DAD1: variants seen among roughly 807,000 people sequenced by gnomAD.
The protein encoded by DAD1 is dolichyl-diphosphooligosaccharide--protein glycosyltransferase subunit DAD1.
Under a neutral mutation model 9.0 loss-of-function variants are expected in DAD1, and 4 were observed. The ratio of observed to expected loss-of-function variants is 0.44; its 90% confidence interval spans 0.22 to 1.01. DAD1 has a LOEUF of 1.01. Ranked by LOEUF, DAD1 falls within the 50% of genes least tolerant of loss-of-function variation. The pLI is 0.24. For synonymous variants in DAD1, 60 were observed against 62.5 expected (o/e 0.96, Z 0.19); for missense variants, 119 against 137.3 (o/e 0.87, Z 0.67).
At chr14:22,587,976 T>A (rs951731860) in intron 1 of DAD1, among the ~76,000 whole-genome samples, 1 of 152,222 alleles carries the variant, frequency 6.6e-6, no homozygotes, top group Non-Finnish European at 1.5e-5. Context: ...CCTCAAGTGA[T>A]CTGCCTACCT....
chr14:22,586,150 G>A (rs1237150556), intron 1 of DAD1, among the ~76,000 whole-genome samples: 3 of 150,822 alleles, frequency 2.0e-5, no homozygotes, highest in African/African-American at 7.3e-5. Context: ...AGCTTGCAGT[G>A]AGCCGAGATG....
At chr14:22,571,025 T>TAAAAAAA (rs34659715) in intron 2 of DAD1, among the ~76,000 whole-genome samples, 43 of 149,140 alleles carry the variant, frequency 2.9e-4, no homozygotes, top group African/African-American at 1.0e-3. Context: ...TTTTTTTTTT[T>TAAAAAAA]AAAAAAGAGT....
intron 1 of DAD1, among the ~76,000 whole-genome samples, chr14:22,583,913 C>T (rs7149591): frequency 0.09 from 13,665 of 151,726 alleles, 1,167 homozygotes; most frequent in African/African-American, 0.21. Flanking sequence ...AGCAAGATCA[C>T]CAACTAAGAA....
Position 22,575,188 on chromosome 14 carries a change from TG to T in DAD1, c.256del (p.Gln86LysfsTer24). 6.2e-7 allele frequency: 1 copy of T among 1,614,162 alleles called. No individual in the cohort carries two copies. The highest frequency in any genetic ancestry group is 8.5e-7 in the Non-Finnish European group (1 of 1,180,022). ...QINPQNKADF[Q>X]GISPERAFAD... ...AAAGGCTCGCTCTGGGGAGATGCCT[TG>T]GAAATCCGCTTTGTTCTGTGGGTTG... On this transcript the variant is annotated frameshift_variant, in exon 2 of 3. Coordinates refer to ENST00000250498, the MANE Select transcript of DAD1 (RefSeq NM_001344.4). LOFTEE classifies it high-confidence loss of function.
chr14:22,574,955 C>T, intron 2 of DAD1, 104 bp downstream of exon 2: 1 of 932,996 alleles, frequency 1.1e-6, no homozygotes. Context: ...CTGCAAATGT[C>T]AATAGCAGTA....
At position 22,582,664 on chromosome 14, in the gene DAD1, G is replaced by GGAGATAA. The variant is rs529946392; in HGVS notation, c.211+6276_211+6282dup. ...AGAGCTTGCTGATGAAACAGATGCA[G>GGAGATAA]GAGATAAGAGAAATCAAGGGACCCC... On this transcript the variant is annotated intron_variant, in intron 1 of 2. Transcript: ENST00000250498. Among the ~76,000 whole-genome samples the GGAGATAA allele has an allele frequency of 2.6e-3, 394 of 152,310 alleles. 1 individual carries two copies. In the Middle Eastern group the frequency reaches 0.031, roughly 12 times the overall value.
At chr14:22,573,709 CAAAAAAAAAA>C (rs553176098) in intron 2 of DAD1, among the ~76,000 whole-genome samples, 32 of 44,504 alleles carry the variant, frequency 7.2e-4, no homozygotes, top group Non-Finnish European at 1.4e-3. Flanking sequence ...GACTCCATCT[CAAAAAAAAAA>C]AAAAAAAAAC....
chr14:22,575,526 T>A (rs1358841900), intron 1 of DAD1, among the ~76,000 whole-genome samples: 1 of 151,222 alleles, frequency 6.6e-6, no homozygotes, highest in African/African-American at 2.5e-5. Context: ...CACAAGTAAG[T>A]TGGGCAACAC....
chr14:22,586,982 C>T (rs924155615), intron 1 of DAD1, among the ~76,000 whole-genome samples: 1 of 152,112 alleles, frequency 6.6e-6, no homozygotes, highest in Admixed American at 6.6e-5. Flanking sequence ...CCTTATTGGC[C>T]CCATTACTAA....
intron 1 of DAD1, among the ~76,000 whole-genome samples, chr14:22,587,525 CACAG>C (rs2037161775): frequency 6.6e-6 from 1 of 152,106 alleles, no homozygotes; most frequent in Admixed American, 6.5e-5. Flanking sequence ...AGGACGCCAC[CACAG>C]ACAACTAGGT....
Position 22,564,908 on chromosome 14 carries a change from AGGAGTGGCAT to A in DAD1, c.*264_*273del. 1.7e-6 allele frequency: 1 copy of A among 575,972 alleles called. No homozygotes were observed. The highest frequency in any genetic ancestry group is 3.1e-6 in the Non-Finnish European group (1 of 325,682). 35.7% of individuals were successfully genotyped at this position (575,972 alleles called of 1,614,324 possible). A position where few individuals can be genotyped will look rare whatever the true frequency, so the allele number is the denominator to read the frequency against. ...TAAAAACAGAGCCAGAGGCATATGG[AGGAGTGGCAT>A]GGAGTTCTTTAATTTGGAAGGCAAA... On this transcript the variant is annotated 3_prime_UTR_variant, in exon 3 of 3. Transcript: ENST00000250498.
chr14:22,583,005 CAAA>C (rs60692589), intron 1 of DAD1, among the ~76,000 whole-genome samples: 3 of 91,724 alleles, frequency 3.3e-5, no homozygotes, highest in Non-Finnish European at 4.3e-5. Flanking sequence ...GACTATGTCT[CAAA>C]AAAAAAAAAA....
At chr14:22,572,778 C>T (rs1259056009) in intron 2 of DAD1, among the ~76,000 whole-genome samples, 2 of 152,132 alleles carry the variant, frequency 1.3e-5, no homozygotes, top group Non-Finnish European at 2.9e-5. Context: ...TGTCCCCTTC[C>T]TAAGTACACA....
At chr14:22,571,152 T>C (rs1045192137) in intron 2 of DAD1, among the ~76,000 whole-genome samples, 9 of 151,358 alleles carry the variant, frequency 5.9e-5, no homozygotes, top group African/African-American at 2.2e-4. Context: ...TGAAACCCCA[T>C]CTCTACTAAA....
intron 1 of DAD1, among the ~76,000 whole-genome samples, chr14:22,585,493 G>A (rs1435918780): frequency 1.3e-5 from 2 of 152,182 alleles, no homozygotes; most frequent in Non-Finnish European, 2.9e-5. Context: ...TCAGCTACTG[G>A]ATGTTTGAAA....
At position 22,565,137 on chromosome 14, in the gene DAD1, C is replaced by G; in HGVS notation, c.*45G>C. The G allele has an allele frequency of 2.8e-6, 2 of 701,984 alleles. No individual in the cohort carries two copies. The highest frequency in any genetic ancestry group is 5.2e-6 in the Non-Finnish European group (2 of 384,698). 43.5% of individuals were successfully genotyped at this position (701,984 alleles called of 1,614,324 possible). A position where few individuals can be genotyped will look rare whatever the true frequency, so the allele number is the denominator to read the frequency against. On this transcript the variant is annotated splice_region_variant and 3_prime_UTR_variant, in exon 3 of 3. Transcript: ENST00000250498. Reference sequence around the variant, plus strand: ...TTATCCAGGAAATTCAAAGAGTGAACCTAGAAGAAAAAAGCAGCAAGGTTA... The same window carrying G: ...TTATCCAGGAAATTCAAAGAGTGAAGCTAGAAGAAAAAAGCAGCAAGGTTA...
chr14:22,576,515 A>C (rs777685138), intron 1 of DAD1, among the ~76,000 whole-genome samples: 24 of 152,122 alleles, frequency 1.6e-4, no homozygotes, highest in Non-Finnish European at 2.9e-4. Flanking sequence ...AAACTAAAAA[A>C]CTCTTAGAAG....
intron 1 of DAD1, 136 bp downstream of exon 1, chr14:22,588,811 C>G: frequency 1.1e-6 from 1 of 877,262 alleles, no homozygotes. Flanking sequence ...CCTCAATTTC[C>G]CCATTCACAA....
intron 1 of DAD1, among the ~76,000 whole-genome samples, chr14:22,575,739 G>A (rs2037072448): frequency 6.6e-6 from 1 of 152,108 alleles, no homozygotes; most frequent in Admixed American, 6.5e-5. Context: ...AGTAGAGACG[G>A]GGTTTCACCA....
Sources: allele counts gnomAD v4.1 joint callset (sites outside exome capture counted in the v4.1 genomes callset), GRCh38; gene constraint gnomAD v4.1.1; transcripts MANE v1.5; gene names NCBI Gene and HGNC (gene_info 2026-07-23, HGNC 2026-07-21).